Variants in SPCS1 observed in about 807,000 individuals in gnomAD.
The protein encoded by SPCS1 is signal peptidase complex subunit 1.
In SPCS1, 10 loss-of-function variants were observed where a neutral mutation model predicts 16.4. That is an observed-to-expected ratio of 0.61 (90% confidence interval 0.38 to 1.03). The LOEUF (loss-of-function observed/expected upper bound fraction) is 1.03, where lower values mean the gene tolerates loss of function less well. Ranked by LOEUF, SPCS1 falls within the 50% of genes least tolerant of loss-of-function variation. SPCS1 has a pLI of 0.01. For missense variants in SPCS1, 118 were observed against 123.8 expected (o/e 0.95, Z 0.22); for synonymous variants, 47 against 42.5 (o/e 1.10, Z -0.41).
chr3:52,707,904 T>G lies in SPCS1; in HGVS notation c.*92T>G. The G allele has an allele frequency of 2.7e-6, 4 of 1,476,024 alleles. No individual in the cohort carries two copies. Among genetic ancestry groups the G allele is most frequent in the Non-Finnish European group, 3.8e-6 (4 of 1,063,218 alleles). 91.4% of individuals were successfully genotyped at this position (1,476,024 alleles called of 1,614,324 possible). On this transcript the variant is annotated 3_prime_UTR_variant, in exon 4 of 4. Transcript: ENST00000619898. Reference sequence around the variant, plus strand: ...TAAGAGCTAAAACCACCTAATGCTCTTATGGCACAGCTGTGTATAGATTTA... The same window carrying G: ...TAAGAGCTAAAACCACCTAATGCTCGTATGGCACAGCTGTGTATAGATTTA...
chr3:52,706,405 T>C, intron 1 of SPCS1, 123 bp downstream of exon 1: 1 of 1,084,564 alleles, frequency 9.2e-7, no homozygotes, highest in Non-Finnish European at 1.3e-6. Flanking sequence ...TCCACCCTCT[T>C]TCCCGAATTG....
In SPCS1 at chr3:52,706,858, C is replaced by T. The variant is rs1354052696; in HGVS notation, c.162C>T (p.Ala54=). The change falls in exon 3 of 4, where the codon GCC becomes GCT. Residue 54 remains alanine (A), a synonymous_variant. Coordinates refer to ENST00000619898, the MANE Select transcript of SPCS1 (RefSeq NM_014041.5). The part of the protein sequence containing the change: ...QFGWTVYIVM[A]GFAFSCLLTL... ...GGTGGACTGTCTATATAGTTATGGC[C>T]GGATTTGCTTTTTCATGTTTGGTAA... 5.0e-6 allele frequency: 8 copies of T among 1,613,638 alleles called. No homozygotes were observed. Among genetic ancestry groups the T allele is most frequent in the African/African-American group, 1.3e-5 (1 of 74,828 alleles).
rs997299495 is a variant in SPCS1, at chr3:52,706,264, C to T, written c.18C>T (p.Ser6=). The T allele has an allele frequency of 1.3e-6, 2 of 1,595,472 alleles. No homozygotes were observed. Among genetic ancestry groups the T allele is most frequent in the Non-Finnish European group, 1.7e-6 (2 of 1,178,462 alleles). The stretch of plus-strand genomic sequence containing the variant: ...AGCCAGCCATGCTGGAGCATCTGAG[C>T]TCGCTGCCCACGCAGATGGTGAGGG... MLEHL[S]SLPTQMDYKG... Residue 6 remains serine, a synonymous_variant, in exon 1 of 4, where the codon AGC becomes AGT. Transcript: ENST00000619898.
rs910266414 is a variant in SPCS1 at position 52,710,145 on chromosome 3, G to A, written c.*2333G>A. On this transcript the variant is annotated 3_prime_UTR_variant, in exon 4 of 4. Transcript: ENST00000619898. Reference sequence around the variant, plus strand: ...TGGGAGGCCGAGGCGGGCAGATCACGAGGTCAGGAGATTGAGACCATCCTG... The same window carrying A: ...TGGGAGGCCGAGGCGGGCAGATCACAAGGTCAGGAGATTGAGACCATCCTG... 4 of 151,538 alleles carry A rather than the reference G, an allele frequency of 2.6e-5. No individual in the cohort carries two copies. The highest frequency in any genetic ancestry group is 2.1e-4 in the South Asian group (1 of 4,810). 9.4% of individuals were successfully genotyped at this position (151,538 alleles called of 1,614,324 possible). A position where few individuals can be genotyped will look rare whatever the true frequency, so the allele number is the denominator to read the frequency against.
At chr3:52,707,194 A>G in intron 3 of SPCS1, 1 of 248,498 alleles carries the variant, frequency 4.0e-6, no homozygotes, top group Non-Finnish European at 7.8e-6. Context: ...TTTGAGACGG[A>G]GTTTCACTCT....
At position 52,710,734 on chromosome 3, in the gene SPCS1, CCTGA is replaced by C. The variant is rs1372171417; in HGVS notation, c.*2928_*2931del. ...TTGAGATCATGCCACTGCACTCCAGCCTGACTGACAGAGTGAAACTCTGTCTCAA... is the reference window on the plus strand; with the variant it reads ...TTGAGATCATGCCACTGCACTCCAGCCTGACAGAGTGAAACTCTGTCTCAA... On this transcript the variant is annotated 3_prime_UTR_variant, in exon 4 of 4. Coordinates refer to ENST00000619898, the MANE Select transcript of SPCS1 (RefSeq NM_014041.5). 1 of 152,056 alleles carries C rather than the reference CCTGA, an allele frequency of 6.6e-6. No individual in the cohort carries two copies. Among genetic ancestry groups the C allele is most frequent in the African/African-American group, 2.4e-5 (1 of 41,404 alleles). The allele number at this position is 152,056 out of a possible 1,614,324, so 9.4% of individuals were successfully genotyped here.
rs1205507214 is a variant in SPCS1, at chr3:52,708,483, T to C, written c.*671T>C. ...TAAGATTTATTGAATGAGAACTGCATTGTACAATATGGTGCCACTAGACAC... is the reference window on the plus strand; with the variant it reads ...TAAGATTTATTGAATGAGAACTGCACTGTACAATATGGTGCCACTAGACAC... On this transcript the variant is annotated 3_prime_UTR_variant, in exon 4 of 4. Coordinates refer to ENST00000619898, the MANE Select transcript of SPCS1 (RefSeq NM_014041.5). 1 of 152,236 alleles carries C rather than the reference T, an allele frequency of 6.6e-6. No individual in the cohort carries two copies. The highest frequency in any genetic ancestry group is 2.4e-5 in the African/African-American group (1 of 41,462). The allele number at this position is 152,236 out of a possible 1,614,324, so 9.4% of individuals were successfully genotyped here.
chr3:52,707,633 AT>A, intron 3 of SPCS1, 53 bp from the exon 4 acceptor site: 1 of 1,578,164 alleles, frequency 6.3e-7, no homozygotes, highest in South Asian at 1.1e-5. Flanking sequence ...ATACGTAATG[AT>A]TTTTTAAACT....
Position 52,708,786 on chromosome 3 carries a change from TA to T in SPCS1, c.*975del. On this transcript the variant is annotated 3_prime_UTR_variant, in exon 4 of 4. Coordinates refer to ENST00000619898, the MANE Select transcript of SPCS1 (RefSeq NM_014041.5). ...CAAGCAGTAAAGGTTGTGCAGGTGA[TA>T]TTCAGTAACACTGCAGTGTAGCCAG... 1 of 151,922 alleles carries T rather than the reference TA, an allele frequency of 6.6e-6. No homozygotes were observed. Among genetic ancestry groups the T allele is most frequent in the Admixed American group, 6.5e-5 (1 of 15,278 alleles). The allele number at this position is 151,922 out of a possible 1,614,324, so 9.4% of individuals were successfully genotyped here.
Position 52,709,400 on chromosome 3 carries a change from GTAAT to G in SPCS1, c.*1593_*1596del, listed in dbSNP as rs760890449. On this transcript the variant is annotated 3_prime_UTR_variant, in exon 4 of 4. Coordinates refer to ENST00000619898, the MANE Select transcript of SPCS1 (RefSeq NM_014041.5). Reference sequence around the variant, plus strand: ...AAACAAAATAAAAATATACAGTATGGTAATTAATAAGAAAGTATGGGGGAAGTCA... The same window carrying G: ...AAACAAAATAAAAATATACAGTATGGTAATAAGAAAGTATGGGGGAAGTCA... The G allele has an allele frequency of 3.9e-5, 6 of 151,950 alleles. No homozygotes were observed. The highest frequency in any genetic ancestry group is 2.0e-4 in the Admixed American group (3 of 15,236). The allele number at this position is 151,950 out of a possible 1,614,324, so 9.4% of individuals were successfully genotyped here.
Position 52,707,921 on chromosome 3 carries a change from A to T in SPCS1, c.*109A>T. ...TAATGCTCTTATGGCACAGCTGTGT[A>T]TAGATTTAGTTCTCTTTATACTTCA... On this transcript the variant is annotated 3_prime_UTR_variant, in exon 4 of 4. Transcript: ENST00000619898. 1 of 1,367,724 alleles carries T rather than the reference A, an allele frequency of 7.3e-7. No individual in the cohort carries two copies. Among genetic ancestry groups the T allele is most frequent in the Non-Finnish European group, 1.0e-6 (1 of 980,426 alleles). The allele number at this position is 1,367,724 out of a possible 1,614,324, so 84.7% of individuals were successfully genotyped here. A position where few individuals can be genotyped will look rare whatever the true frequency, so the allele number is the denominator to read the frequency against.
Position 52,707,879 on chromosome 3 carries a change from T to G in SPCS1, c.*67T>G, listed in dbSNP as rs573036074. The G allele has an allele frequency of 6.3e-7, 1 of 1,598,564 alleles. No homozygotes were observed. The highest frequency in any genetic ancestry group is 1.1e-5 in the South Asian group (1 of 89,952). ...AGCTAAATTGCTTTCATACCCCAGATAAGAGCTAAAACCACCTAATGCTCT... is the reference window on the plus strand; with the variant it reads ...AGCTAAATTGCTTTCATACCCCAGAGAAGAGCTAAAACCACCTAATGCTCT... On this transcript the variant is annotated 3_prime_UTR_variant, in exon 4 of 4. Transcript: ENST00000619898.
rs1238618593 is a variant in SPCS1 at position 52,706,190 on chromosome 3, T to C, written c.-57T>C. ...ACCCCTCACGGTCCTTAAGTCTCGG[T>C]CGCCCTCGCCTCGCAGCCTGCCACC... On this transcript the variant is annotated 5_prime_UTR_variant, in exon 1 of 4. Coordinates refer to ENST00000619898, the MANE Select transcript of SPCS1 (RefSeq NM_014041.5). 1 of 1,554,094 alleles carries C rather than the reference T, an allele frequency of 6.4e-7. No homozygotes were observed. The highest frequency in any genetic ancestry group is 1.9e-5 in the Admixed American group (1 of 52,866).
intron 3 of SPCS1, 64 bp downstream of exon 3, chr3:52,706,943 C>G: frequency 1.7e-6 from 2 of 1,193,820 alleles, no homozygotes; most frequent in East Asian, 2.3e-5. Flanking sequence ...TTGGTTAGAC[C>G]TACTCAGTAG....
chr3:52,706,433 T>C (rs1488215815), intron 1 of SPCS1, 151 bp downstream of exon 1: 2 of 896,052 alleles, frequency 2.2e-6, no homozygotes, highest in Admixed American at 5.7e-5. Flanking sequence ...GGTCCCCTTC[T>C]CTTCTACTCC....
rs2097348829 is a variant in SPCS1 at position 52,710,059 on chromosome 3, CTAAA to C, written c.*2252_*2255del. On this transcript the variant is annotated 3_prime_UTR_variant, in exon 4 of 4. Transcript: ENST00000619898. ...CAGAGAACCTGGCACACAGTAAACT[CTAAA>C]TAAAAATCTGTTAAGTGTGCCGGGC... 6.6e-6 allele frequency: 1 copy of C among 152,224 alleles called. No individual in the cohort carries two copies. Among genetic ancestry groups the C allele is most frequent in the Non-Finnish European group, 1.5e-5 (1 of 68,102 alleles). 9.4% of individuals were successfully genotyped at this position (152,224 alleles called of 1,614,324 possible).
chr3:52,706,156 C>A lies in SPCS1; in HGVS notation c.-91C>A, dbSNP rs535887135. ...AAGGCCCGGCTACTGACGCGCAGTG[C>A]CAGACCTTACCCCTCACGGTCCTTA... On this transcript the variant is annotated 5_prime_UTR_variant, in exon 1 of 4. Coordinates refer to ENST00000619898, the MANE Select transcript of SPCS1 (RefSeq NM_014041.5). 38 of 1,543,664 alleles carry A rather than the reference C, an allele frequency of 2.5e-5. No homozygotes were observed. The African/African-American group carries it at 3.5e-4, about 14-fold the overall frequency.
chr3:52,706,814 T>C lies in SPCS1; in HGVS notation c.118T>C (p.Tyr40His), dbSNP rs2097345150. The C allele has an allele frequency of 6.2e-7, 1 of 1,614,122 alleles. No individual in the cohort carries two copies. Among genetic ancestry groups the C allele is most frequent in the Non-Finnish European group, 8.5e-7 (1 of 1,179,954 alleles). Residue 40 changes from tyrosine (Y) to histidine (H), a missense_variant, in exon 3 of 4, where the codon TAC becomes CAC. By Grantham distance (83) the Tyr-to-His change is moderately conservative. Coordinates refer to ENST00000619898, the MANE Select transcript of SPCS1 (RefSeq NM_014041.5). Reference protein sequence around the residue: ...FSAIVGFIYGYVAEQFGWTVY... With the variant: ...FSAIVGFIYGHVAEQFGWTVY... Reference sequence around the variant, plus strand: ...CTAGATAGTTGGATTTATCTACGGGTACGTGGCTGAACAGTTCGGGTGGAC... The same window carrying C: ...CTAGATAGTTGGATTTATCTACGGGCACGTGGCTGAACAGTTCGGGTGGAC...
Position 52,707,752 on chromosome 3 carries a change from A to G in SPCS1, c.249A>G (p.Ser83=). ...HPLKWLPVQE[S]STDDKKPGER... is the part of the protein sequence containing the mutation. ...TCAAGTGGTTACCTGTTCAAGAATCAAGCACAGACGACAAGAAACCAGGGG... is the reference window on the plus strand; with the variant it reads ...TCAAGTGGTTACCTGTTCAAGAATCGAGCACAGACGACAAGAAACCAGGGG... Residue 83 remains serine (S), a synonymous_variant, in exon 4 of 4, where the codon TCA becomes TCG. Transcript: ENST00000619898. 3.7e-6 allele frequency: 6 copies of G among 1,614,108 alleles called. No individual in the cohort carries two copies. Among genetic ancestry groups the G allele is most frequent in the Non-Finnish European group, 5.1e-6 (6 of 1,180,004 alleles).
Sources: allele counts gnomAD v4.1 joint callset, GRCh38; gene constraint gnomAD v4.1.1; transcripts MANE v1.5; gene names NCBI Gene and HGNC (gene_info 2026-07-23, HGNC 2026-07-21).